PDZD2: variants seen among roughly 807,000 people sequenced by gnomAD.
PDZD2 encodes the protein PDZ domain containing 2.
In PDZD2, 90 loss-of-function variants were observed where a neutral mutation model predicts 220.7. That is an observed-to-expected ratio of 0.41 (90% CI 0.34 to 0.49). The LOEUF (loss-of-function observed/expected upper bound fraction) is 0.49, where lower values mean the gene tolerates loss of function less well. Ranked by LOEUF, PDZD2 falls within the 20% of genes least tolerant of loss-of-function variation. PDZD2 has a pLI of 0.28. For synonymous variants in PDZD2, 1,375 were observed against 1,450.5 expected (o/e 0.95, Z 1.18); for missense variants, 3,174 against 3,608.5 (o/e 0.88, Z 3.08).
chr5:31,890,182 G>A (rs1203325884), intron 2 of PDZD2, among the ~76,000 whole-genome samples: 2 of 142,334 alleles, frequency 1.4e-5, no homozygotes, highest in East Asian at 4.1e-4. Context: ...AGAAGCTGTG[G>A]AGCAGCACTG....
At chr5:31,793,189 A>G (rs1014921529) in intron 1 of PDZD2, among the ~76,000 whole-genome samples, 3 of 144,218 alleles carry the variant, frequency 2.1e-5, no homozygotes, top group African/African-American at 7.8e-5. Flanking sequence ...CTCAGAAAAC[A>G]TTAGCCAATG....
Position 31,690,334 on chromosome 5 carries a change from T to C in PDZD2, c.-361+50897T>C, listed in dbSNP as rs558780717. ...CAAGTGTCTGGTGCCTGGAATGTGC[T>C]GTGCATGCTCAGGATGTGCTTAGGA... On this transcript the variant is annotated intron_variant, in intron 1 of 24. Transcript: ENST00000438447. Among the ~76,000 whole-genome samples, 10 of 152,230 alleles carry C rather than the reference T, an allele frequency of 6.6e-5. No homozygotes were observed. In the South Asian group the frequency reaches 2.1e-3, roughly 32 times the overall value.
intron 12 of PDZD2, among the ~76,000 whole-genome samples, chr5:32,058,674 CAAAAA>C (rs35570128): frequency 4.3e-5 from 4 of 92,254 alleles, no homozygotes; most frequent in Admixed American, 1.2e-4. Flanking sequence ...AACTCCGTCT[CAAAAA>C]AAAAAAAAAA....
At position 31,949,803 on chromosome 5, in the gene PDZD2, G is replaced by T. The variant is rs190117546; in HGVS notation, c.477-33352G>T. 3.1e-4 allele frequency among the ~76,000 whole-genome samples: 46 copies of T among 150,666 alleles called. No individual in the cohort carries two copies. The East Asian group carries it at 8.6e-3, about 28-fold the overall frequency. ...TTATCCTGCCTCAGCCTCCCAAGTA[G>T]CTGGGATTACAGGCATGCGCTACCA... On this transcript the variant is annotated intron_variant, in intron 2 of 24. Transcript: ENST00000438447.
At chr5:31,876,427 G>C (rs1328926325) in intron 2 of PDZD2, among the ~76,000 whole-genome samples, 2 of 151,860 alleles carry the variant, frequency 1.3e-5, no homozygotes, top group African/African-American at 4.8e-5. Flanking sequence ...CAAGTACCTG[G>C]TGTTATAGGT....
chr5:31,693,649 C>T (rs1461794169), intron 1 of PDZD2, among the ~76,000 whole-genome samples: 3 of 152,182 alleles, frequency 2.0e-5, no homozygotes, highest in African/African-American at 7.2e-5. Flanking sequence ...TGTCTGTGTG[C>T]ACTCGTGGCT....
intron 1 of PDZD2, chr5:31,741,792 C>T (rs1321981130): frequency 1.3e-5 from 2 of 152,338 alleles, no homozygotes; most frequent in African/African-American, 4.8e-5. Flanking sequence ...CTGCCTGCAA[C>T]TCTCTCCTAC....
intron 12 of PDZD2, 33 bp from the exon 13 acceptor site, chr5:32,059,206 G>A (rs373236369): frequency 5.6e-5 from 67 of 1,203,942 alleles, no homozygotes; most frequent in African/African-American, 9.0e-5. Flanking sequence ...TGTAATTTTT[G>A]TTTTTATTTT....
chr5:31,996,501 G>A (rs1751649623), intron 4 of PDZD2, among the ~76,000 whole-genome samples: 1 of 152,152 alleles, frequency 6.6e-6, no homozygotes, highest in Non-Finnish European at 1.5e-5. Context: ...GAGATCAGGA[G>A]TTCCAGACCA....
intron 2 of PDZD2, among the ~76,000 whole-genome samples, chr5:31,878,135 T>C (rs1739481218): frequency 6.6e-6 from 1 of 152,190 alleles, no homozygotes; most frequent in Admixed American, 6.5e-5. Flanking sequence ...ATGACTGTAA[T>C]TGATAAGCTC....
chr5:32,031,453 A>G (rs1003733088), intron 6 of PDZD2, among the ~76,000 whole-genome samples: 11 of 152,222 alleles, frequency 7.2e-5, no homozygotes, highest in Admixed American at 3.9e-4. Flanking sequence ...AAAACTGAGC[A>G]TTTCAGGCAC....
intron 1 of PDZD2, among the ~76,000 whole-genome samples, chr5:31,725,215 G>A (rs1749049800): frequency 6.6e-6 from 1 of 151,946 alleles, no homozygotes; most frequent in South Asian, 2.1e-4. Flanking sequence ...GCACACGCCT[G>A]TAATCCCAGC....
intron 2 of PDZD2, among the ~76,000 whole-genome samples, chr5:31,920,352 C>A (rs569058608): frequency 4.7e-5 from 7 of 148,572 alleles, no homozygotes; most frequent in African/African-American, 1.7e-4. Context: ...CTATATATCT[C>A]CTTTTCCCAC....
At chr5:31,689,710 G>A (rs1747043890) in intron 1 of PDZD2, among the ~76,000 whole-genome samples, 1 of 151,954 alleles carries the variant, frequency 6.6e-6, no homozygotes, top group Non-Finnish European at 1.5e-5. Context: ...TCTCTTCTCT[G>A]TTCCCAAAGA....
At chr5:32,020,073 ATT>A (rs34451894) in intron 6 of PDZD2, among the ~76,000 whole-genome samples, 23 of 146,154 alleles carry the variant, frequency 1.6e-4, no homozygotes, top group East Asian at 3.9e-4. Flanking sequence ...TTTTAATTTA[ATT>A]TTTTTTTTTT....
intron 7 of PDZD2, among the ~76,000 whole-genome samples, chr5:32,046,228 C>G (rs1432667335): frequency 6.6e-6 from 1 of 151,948 alleles, no homozygotes; most frequent in Non-Finnish European, 1.5e-5. Context: ...AAAATTGTTA[C>G]TATAGAAGTT....
chr5:31,994,723 G>A (rs1003594195), intron 3 of PDZD2, among the ~76,000 whole-genome samples: 1 of 151,942 alleles, frequency 6.6e-6, no homozygotes, highest in Non-Finnish European at 1.5e-5. Flanking sequence ...CTGACCTCAG[G>A]TGATCCACCT....
At chr5:31,676,900 AGAG>A (rs1746450679) in intron 1 of PDZD2, among the ~76,000 whole-genome samples, 1 of 151,612 alleles carries the variant, frequency 6.6e-6, no homozygotes, top group Non-Finnish European at 1.5e-5. Context: ...CGGCTTCCCC[AGAG>A]GAGATTTTTA....
intron 5 of PDZD2, among the ~76,000 whole-genome samples, chr5:32,006,464 C>T (rs1467880940): frequency 6.6e-6 from 1 of 151,056 alleles, no homozygotes; most frequent in Admixed American, 6.6e-5. Context: ...AAGTGATCCT[C>T]CCATCTTAGC....
Sources: allele counts gnomAD v4.1 joint callset (sites outside exome capture counted in the v4.1 genomes callset), GRCh38; gene constraint gnomAD v4.1.1; transcripts MANE v1.5; gene names NCBI Gene and HGNC (gene_info 2026-07-23, HGNC 2026-07-21).